Variants in PTPN12 observed in about 807,000 individuals in gnomAD.
PTPN12 encodes the protein protein tyrosine phosphatase non-receptor type 12.
In PTPN12, 29 loss-of-function variants were observed where a neutral mutation model predicts 97.6. The observed-to-expected ratio is 0.30, with a 90% CI of 0.22 to 0.41. The LOEUF (loss-of-function observed/expected upper bound fraction) is 0.41, where lower values mean the gene tolerates loss of function less well. Ranked by LOEUF, PTPN12 falls within the 10% of genes least tolerant of loss-of-function variation. The pLI is 1.00. For synonymous variants in PTPN12, 327 were observed against 300.4 expected (o/e 1.09, Z -0.91); for missense variants, 819 against 926.0 (o/e 0.88, Z 1.50).
At chr7:77,605,128 A>G (rs1303864212) in intron 8 of PTPN12, among the ~76,000 whole-genome samples, 1 of 152,156 alleles carries the variant, frequency 6.6e-6, no homozygotes, top group Admixed American at 6.6e-5. Flanking sequence ...CTAAAAATTA[A>G]TATAATTGAT....
intron 9 of PTPN12, among the ~76,000 whole-genome samples, chr7:77,607,838 C>T (rs916947684): frequency 2.0e-5 from 3 of 151,880 alleles, no homozygotes; most frequent in Non-Finnish European, 4.4e-5. Flanking sequence ...ACTGCAACCT[C>T]CACCTCCTGG....
rs543129603 is a variant in PTPN12, at chr7:77,622,343, G to T, written c.1025+3778G>T. Reference sequence around the variant, plus strand: ...AAGCCTCTAATATGAAAAAACAGAGGAAATGGAGACAATACAGAGTAAAAT... The same window carrying T: ...AAGCCTCTAATATGAAAAAACAGAGTAAATGGAGACAATACAGAGTAAAAT... On this transcript the variant is annotated intron_variant, in intron 12 of 17. Transcript: ENST00000248594. Among the ~76,000 whole-genome samples, 5 of 152,196 alleles carry T rather than the reference G, an allele frequency of 3.3e-5. No homozygotes were observed. In the South Asian group the frequency reaches 1.0e-3, roughly 32 times the overall value.
chr7:77,559,119 C>T (rs1382544059), intron 1 of PTPN12, among the ~76,000 whole-genome samples: 5 of 152,228 alleles, frequency 3.3e-5, no homozygotes, highest in African/African-American at 1.2e-4. Context: ...GTGTAACCAG[C>T]CTCCAATAAA....
intron 14 of PTPN12, among the ~76,000 whole-genome samples, chr7:77,633,980 G>A (rs1219890821): frequency 1.3e-5 from 2 of 151,972 alleles, no homozygotes; most frequent in Non-Finnish European, 1.5e-5. Context: ...CTGAGACCAC[G>A]CCATTGCATT....
At chr7:77,635,129 G>A (rs1472347762) in intron 14 of PTPN12, among the ~76,000 whole-genome samples, 1 of 152,160 alleles carries the variant, frequency 6.6e-6, no homozygotes, top group African/African-American at 2.4e-5. Flanking sequence ...CTGATTTTAA[G>A]ATAAATGTTA....
At chr7:77,579,264 G>T (rs1016787358) in intron 2 of PTPN12, among the ~76,000 whole-genome samples, 4 of 152,114 alleles carry the variant, frequency 2.6e-5, no homozygotes, top group African/African-American at 9.7e-5. Flanking sequence ...TGAGATTACA[G>T]GCATGCGCCA....
chr7:77,594,132 G>C (rs988059738), intron 6 of PTPN12, among the ~76,000 whole-genome samples: 1 of 152,080 alleles, frequency 6.6e-6, no homozygotes, highest in African/African-American at 2.4e-5. Context: ...ATATTCTTAA[G>C]GTGCTGATTA....
At chr7:77,599,949 C>T (rs558838886) in intron 7 of PTPN12, among the ~76,000 whole-genome samples, 1 of 152,184 alleles carries the variant, frequency 6.6e-6, no homozygotes, top group East Asian at 1.9e-4. Context: ...TCAGTATATA[C>T]TATATTTGAA....
rs941916323 is a variant in PTPN12 at position 77,604,747 on chromosome 7, A to G, written c.696-2488A>G. 3 of 206,322 alleles carry G rather than the reference A, an allele frequency of 1.5e-5. No individual in the cohort carries two copies. In the Admixed American group the frequency reaches 1.6e-4, roughly 11 times the overall value. 12.8% of individuals were successfully genotyped at this position (206,322 alleles called of 1,614,324 possible). On this transcript the variant is annotated intron_variant, in intron 8 of 17. Transcript: ENST00000248594. The stretch of plus-strand genomic sequence containing the variant: ...ATATTTTTAGTACTTTCATAGATTT[A>G]CTTTTTAACATTTATCATTGGATAA...
chr7:77,577,407 T>G (rs544620900), intron 2 of PTPN12, among the ~76,000 whole-genome samples: 7 of 152,280 alleles, frequency 4.6e-5, no homozygotes, highest in African/African-American at 1.7e-4. Flanking sequence ...TTTTATTAAT[T>G]CTATACTTTT....
intron 12 of PTPN12, among the ~76,000 whole-genome samples, chr7:77,623,374 G>A (rs572832557): frequency 1.3e-5 from 2 of 152,324 alleles, no homozygotes; most frequent in Admixed American, 6.5e-5. Flanking sequence ...AAAAGGTACT[G>A]TTAAGGATAT....
intron 1 of PTPN12, among the ~76,000 whole-genome samples, chr7:77,560,369 A>AT (rs992668909): frequency 6.6e-6 from 1 of 152,056 alleles, no homozygotes; most frequent in Non-Finnish European, 1.5e-5. Flanking sequence ...CCCTTAAAAA[A>AT]TTTTTTTTAA....
chr7:77,604,209 C>CATTTTTTTTTTT (rs1554320981), intron 8 of PTPN12, among the ~76,000 whole-genome samples: 4 of 52,790 alleles, frequency 7.6e-5, no homozygotes, highest in Admixed American at 3.4e-4. Context: ...TTTTTTCTTC[C>CATTTTTTTTTTT]TTTTTTTTTT....
chr7:77,564,664 T>C (rs1808149540), intron 1 of PTPN12, among the ~76,000 whole-genome samples: 2 of 151,760 alleles, frequency 1.3e-5, no homozygotes. Context: ...TTTTAATATT[T>C]GTATATTCTT....
At position 77,568,047 on chromosome 7, in the gene PTPN12, T is replaced by C. The variant is rs376674439; in HGVS notation, c.100-3031T>C. Among the ~76,000 whole-genome samples, 7 of 152,322 alleles carry C rather than the reference T, an allele frequency of 4.6e-5. No individual in the cohort carries two copies. The East Asian group carries it at 9.6e-4, about 21-fold the overall frequency. On this transcript the variant is annotated intron_variant, in intron 1 of 17. Coordinates refer to ENST00000248594, the MANE Select transcript of PTPN12 (RefSeq NM_002835.4). ...TAAAGTACAAAACAAAGTTTTTACT[T>C]GTTTTATGGACCACTTTTGTATCTC... is the stretch of plus-strand genomic sequence containing the variant.
chr7:77,549,385 G>C (rs531252467), intron 1 of PTPN12, among the ~76,000 whole-genome samples: 6 of 152,252 alleles, frequency 3.9e-5, no homozygotes, highest in Admixed American at 3.9e-4. Context: ...GGCTCTGGCA[G>C]AGCATTATTT....
chr7:77,606,175 A>G (rs547901130), intron 8 of PTPN12, among the ~76,000 whole-genome samples: 2 of 151,846 alleles, frequency 1.3e-5, no homozygotes, highest in African/African-American at 4.8e-5. Flanking sequence ...GGTGGTCTCA[A>G]ACTCCTGACC....
intron 1 of PTPN12, among the ~76,000 whole-genome samples, chr7:77,562,908 G>A (rs1229609642): frequency 6.8e-6 from 1 of 146,466 alleles, no homozygotes; most frequent in African/African-American, 2.6e-5. Context: ...ATTTTCTCAC[G>A]AAGGGACAGG....
chr7:77,597,763 A>G (rs1050277302), intron 6 of PTPN12, 79 bp from the exon 7 acceptor site: 28 of 1,485,832 alleles, frequency 1.9e-5, no homozygotes, highest in Admixed American at 2.3e-5. Context: ...GTGGACTTTG[A>G]TACAAGTATT....
Sources: gnomAD v4.1 joint callset for allele counts (sites outside exome capture counted in the v4.1 genomes callset) on GRCh38, gnomAD v4.1.1 for gene constraint, MANE v1.5 for transcripts, NCBI Gene and HGNC (gene_info 2026-07-23, HGNC 2026-07-21) for gene names.